Variants in EEF1A2 observed in about 807,000 individuals in gnomAD.
The protein encoded by EEF1A2 is elongation factor 1-alpha 2.
A neutral mutation model predicts 39.3 loss-of-function variants in EEF1A2; 5 were observed. The observed-to-expected ratio is 0.13, with a 90% CI of 0.07 to 0.27. The LOEUF (loss-of-function observed/expected upper bound fraction) is 0.27, where lower values mean the gene tolerates loss of function less well. Ranked by LOEUF, EEF1A2 falls within the 10% of genes least tolerant of loss-of-function variation. EEF1A2 has a pLI of 1.00. For missense variants in EEF1A2, 218 were observed against 681.4 expected (o/e 0.32, Z 7.57); for synonymous variants, 287 against 293.7 (o/e 0.98, Z 0.23).
Position 63,497,564 on chromosome 20 carries a change from C to A in EEF1A2, c.144+56G>T. ...GCTGGGAGATGCCAAGCCTGGCCAC[C>A]ACGGGAGTTGGGGGTTCCTTCTCAG... On this transcript the variant is annotated intron_variant, in intron 2 of 7. Coordinates refer to ENST00000217182, the MANE Select transcript of EEF1A2 (RefSeq NM_001958.5). The surrounding 1 kb of genome is among the most constrained non-coding windows in gnomAD (Gnocchi z 7.3). 6.4e-7 allele frequency: 1 copy of A among 1,573,212 alleles called. No homozygotes were observed. The highest frequency in any genetic ancestry group is 1.2e-5 in the South Asian group (1 of 84,576).
At position 63,494,922 on chromosome 20, in the gene EEF1A2, G is replaced by A. The variant is rs757395064; in HGVS notation, c.504C>T (p.Asp168=). 1.8e-5 allele frequency: 29 copies of A among 1,612,708 alleles called. No individual in the cohort carries two copies. The highest frequency in any genetic ancestry group is 1.6e-4 in the Middle Eastern group (1 of 6,084). ...TEPAYSEKRY[D]EIVKEVSAYI... The stretch of plus-strand genomic sequence containing the variant: ...AGGCGCTGACTTCCTTGACGATCTC[G>A]TCGTAGCGCTTCTCGCTGTAGGCCG... The change falls in exon 4 of 8, where the codon GAC becomes GAT. Residue 168 remains aspartate, a synonymous_variant. Coordinates refer to ENST00000217182, the MANE Select transcript of EEF1A2 (RefSeq NM_001958.5).
chr20:63,488,329 G>T lies in EEF1A2; in HGVS notation c.1361C>A (p.Ser454Ter). 2 of 1,450,000 alleles carry T rather than the reference G, an allele frequency of 1.4e-6. No homozygotes were observed. Among genetic ancestry groups the T allele is most frequent in the South Asian group, 2.6e-5 (2 of 76,022 alleles). The allele number at this position is 1,450,000 out of a possible 1,614,324, so 89.8% of individuals were successfully genotyped here. The change falls in exon 8 of 8, where the codon TCG becomes TAG. Residue 454 changes from serine (S) to a stop codon, truncating the protein, a stop_gained. Transcript: ENST00000217182. LOFTEE classifies it high-confidence loss of function. ...KSGGAGKVTK[S>*]AQKAQKAGK ...GCCCGCCTTCTGCGCCTTCTGCGCC[G>T]ACTTGGTGACCTTGCCGGCGCCGCC...
rs772266559 is a variant in EEF1A2, at chr20:63,490,635, T to C, written c.873A>G (p.Ser291=). Residue 291 remains serine (S), a synonymous_variant, in exon 6 of 8, where the codon TCA becomes TCG. Transcript: ENST00000217182. ...APVNITTEVK[S]VEMHHEALSE... ...TCAGAGCCTCGTGGTGCATCTCCAC[T>C]GACTTCACCTCAGTGGTGATGTTCA... is the stretch of plus-strand genomic sequence containing the variant. The C allele has an allele frequency of 1.9e-6, 3 of 1,612,542 alleles. No homozygotes were observed. The highest frequency in any genetic ancestry group is 2.5e-6 in the Non-Finnish European group (3 of 1,179,934).
At chr20:63,493,046 C>T in intron 5 of EEF1A2, 91 bp downstream of exon 5, 1 of 1,453,524 alleles carries the variant, frequency 6.9e-7, no homozygotes, top group Non-Finnish European at 9.1e-7. Context: ...AGATTGGAGA[C>T]AGCCCAGTCT....
chr20:63,490,415 ACCCAGGACAG>A (rs1407559935), intron 6 of EEF1A2, 54 bp downstream of exon 6: 1 of 1,560,966 alleles, frequency 6.4e-7, no homozygotes, highest in Non-Finnish European at 8.7e-7. Context: ...CAGCAGCCTC[ACCCAGGACAG>A]TCCTGCTGCT....
At chr20:63,492,016 G>C (rs1204618450) in intron 5 of EEF1A2, among the ~76,000 whole-genome samples, 1 of 132,484 alleles carries the variant, frequency 7.5e-6, no homozygotes, top group East Asian at 2.3e-4. Flanking sequence ...GGAGATGAAC[G>C]GATGGATGAG....
chr20:63,488,256 C>A lies in EEF1A2; in HGVS notation c.*42G>T, dbSNP rs558358109. 2.0e-6 allele frequency: 2 copies of A among 1,004,628 alleles called. No homozygotes were observed. Among genetic ancestry groups the A allele is most frequent in the South Asian group, 3.8e-5 (1 of 26,584 alleles). 62.2% of individuals were successfully genotyped at this position (1,004,628 alleles called of 1,614,324 possible). On this transcript the variant is annotated 3_prime_UTR_variant, in exon 8 of 8. Coordinates refer to ENST00000217182, the MANE Select transcript of EEF1A2 (RefSeq NM_001958.5). ...GGGGGCCCGGGCCCGGGGTTCGGAG[C>A]GCGGCACCGCCGGGGAGGGTCGCGC...
intron 2 of EEF1A2, chr20:63,496,325 G>C: frequency 8.7e-6 from 4 of 460,744 alleles, no homozygotes. Context: ...GAGCGAAGCC[G>C]CCAGATGGGA....
At chr20:63,488,537 C>G (rs549744660) in intron 7 of EEF1A2, 112 bp from the exon 8 acceptor site, 1 of 1,297,132 alleles carries the variant, frequency 7.7e-7, no homozygotes, top group South Asian at 1.8e-5. Context: ...TCGGAACACG[C>G]TTAGCGCAGA....
At chr20:63,494,588 C>T (rs982571181) in intron 4 of EEF1A2, among the ~76,000 whole-genome samples, 2 of 152,238 alleles carry the variant, frequency 1.3e-5, no homozygotes, top group Non-Finnish European at 1.5e-5. Context: ...CGGCCAGCCG[C>T]GTGGGAGGCT....
chr20:63,492,351 T>A (rs61728278), intron 5 of EEF1A2, among the ~76,000 whole-genome samples: 139,840 of 139,980 alleles, frequency 1, 69,853 homozygotes, highest in Middle Eastern at 1. Context: ...GATGGGTGGG[T>A]CAATAGATGG....
At chr20:63,495,707 G>T in intron 3 of EEF1A2, 149 bp downstream of exon 3, 1 of 997,404 alleles carries the variant, frequency 1.0e-6, no homozygotes, top group Non-Finnish European at 1.4e-6. Context: ...CTCTGAGCCA[G>T]ACTGGGTGAG....
Position 63,488,231 on chromosome 20 carries a change from G to A in EEF1A2, c.*67C>T. 4 of 866,022 alleles carry A rather than the reference G, an allele frequency of 4.6e-6. No homozygotes were observed. The highest frequency in any genetic ancestry group is 5.2e-6 in the Non-Finnish European group (4 of 763,206). 53.6% of individuals were successfully genotyped at this position (866,022 alleles called of 1,614,324 possible). A position where few individuals can be genotyped will look rare whatever the true frequency, so the allele number is the denominator to read the frequency against. On this transcript the variant is annotated 3_prime_UTR_variant, in exon 8 of 8. Transcript: ENST00000217182. ...CCGGCGCGCGGGGCGGGGGCGGGGC[G>A]GGGGCCCGGGCCCGGGGTTCGGAGC...
chr20:63,490,234 T>G, intron 6 of EEF1A2: 14 of 421,850 alleles, frequency 3.3e-5, no homozygotes, highest in Non-Finnish European at 4.3e-5. Context: ...GCCTGGCTAA[T>G]TTTTGTATTT....
chr20:63,497,898 G>T lies in EEF1A2; in HGVS notation c.-71-64C>A. ...AGCCCCAGGGGGAGACACCAGCAGA[G>T]ACTGTCCTGGCACAGGCTGGACAGG... On this transcript the variant is annotated intron_variant, in intron 1 of 7. Coordinates refer to ENST00000217182, the MANE Select transcript of EEF1A2 (RefSeq NM_001958.5). This position sits in a 1 kb window ranked among gnomAD's most constrained non-coding sequence, Gnocchi z 7.3. 8.1e-7 allele frequency: 1 copy of T among 1,239,392 alleles called. No homozygotes were observed. Among genetic ancestry groups the T allele is most frequent in the Non-Finnish European group, 1.1e-6 (1 of 896,900 alleles). 76.8% of individuals were successfully genotyped at this position (1,239,392 alleles called of 1,614,324 possible). A position where few individuals can be genotyped will look rare whatever the true frequency, so the allele number is the denominator to read the frequency against.
chr20:63,497,825 T>A lies in EEF1A2; in HGVS notation c.-62A>T, dbSNP rs929045183. 5 of 1,569,250 alleles carry A rather than the reference T, an allele frequency of 3.2e-6. No homozygotes were observed. The African/African-American group carries it at 6.8e-5, about 21-fold the overall frequency. ...TGCTCTGGCTCAGGGCGAGGGGGGC[T>A]GCAGTGATTCTGTGGGGCCAGTGGT... On this transcript the variant is annotated 5_prime_UTR_variant, in exon 2 of 8. Coordinates refer to ENST00000217182, the MANE Select transcript of EEF1A2 (RefSeq NM_001958.5). This position sits in a 1 kb window ranked among gnomAD's most constrained non-coding sequence, Gnocchi z 7.3.
chr20:63,494,183 G>A (rs1431758731), intron 4 of EEF1A2, among the ~76,000 whole-genome samples: 3 of 152,216 alleles, frequency 2.0e-5, no homozygotes, highest in Admixed American at 1.3e-4. Context: ...CCATTCTGGG[G>A]TCTCCTCTGG....
At chr20:63,489,619 C>T (rs2082369096) in intron 6 of EEF1A2, among the ~76,000 whole-genome samples, 1 of 152,148 alleles carries the variant, frequency 6.6e-6, no homozygotes, top group Non-Finnish European at 1.5e-5. Context: ...CCCGTATCTA[C>T]TAATAATACA....
intron 5 of EEF1A2, among the ~76,000 whole-genome samples, chr20:63,492,474 ATG>A (rs2082391319): frequency 4.8e-5 from 1 of 20,894 alleles, no homozygotes. Context: ...GGATGGAGAG[ATG>A]GATGGATGGA....
Sources: gnomAD v4.1 joint callset for allele counts (sites outside exome capture counted in the v4.1 genomes callset) on GRCh38, gnomAD v4.1.1 for gene constraint, Gnocchi (gnomAD v3.1) non-coding constraint, MANE v1.5 for transcripts, NCBI Gene and HGNC (gene_info 2026-07-23, HGNC 2026-07-21) for gene names.